GARIN2: variants seen among roughly 807,000 people sequenced by gnomAD.
GARIN2 encodes the protein Golgi-associated RAB2 interactor protein 2.
chr14:67,225,658 T>G, the GARIN2 span, among the ~76,000 whole-genome samples: 1 of 152,214 alleles, frequency 6.6e-6, no homozygotes, highest in Non-Finnish European at 1.5e-5. Context: ...GTAGAGTGCC[T>G]GCAGGGCTGT....
At chr14:67,195,051 G>T in the GARIN2 span, among the ~76,000 whole-genome samples, 1 of 152,186 alleles carries the variant, frequency 6.6e-6, no homozygotes, top group Non-Finnish European at 1.5e-5. Context: ...GGGGTGAGGG[G>T]TGTAGTGCAC....
At chr14:67,220,442 A>AG in the GARIN2 span, among the ~76,000 whole-genome samples, 1 of 151,088 alleles carries the variant, frequency 6.6e-6, no homozygotes. Flanking sequence ...ACCTTTTCTC[A>AG]GGAAAAAAAA....
the GARIN2 span, among the ~76,000 whole-genome samples, chr14:67,190,210 C>T: frequency 6.8e-6 from 1 of 146,034 alleles, no homozygotes; most frequent in Admixed American, 6.9e-5. Context: ...CCACTGTGCC[C>T]AGCCTTTTGT....
chr14:67,192,205 G>GA, the GARIN2 span, among the ~76,000 whole-genome samples: 1 of 152,160 alleles, frequency 6.6e-6, no homozygotes, highest in African/African-American at 2.4e-5. Flanking sequence ...AACATTGTTG[G>GA]AAAAATATAA....
At chr14:67,201,289 G>T in the GARIN2 span, 1 of 349,090 alleles carries the variant, frequency 2.9e-6, no homozygotes, top group Non-Finnish European at 5.6e-6. Context: ...ACAAGACTTT[G>T]TCTCTAAAAA....
chr14:67,220,751 T>C, the GARIN2 span, among the ~76,000 whole-genome samples: 86 of 152,332 alleles, frequency 5.6e-4, 1 homozygote, highest in Non-Finnish European at 1.0e-3. Context: ...TGCTTCTCAG[T>C]CTCGCTTAAC....
chr14:67,224,069 G>A, the GARIN2 span: 6 of 869,788 alleles, frequency 6.9e-6, no homozygotes, highest in Non-Finnish European at 8.3e-6. Flanking sequence ...GCTAGTTAGG[G>A]ACCATGATCT....
chr14:67,200,255 C>G, the GARIN2 span: 935 of 870,030 alleles, frequency 1.1e-3, 21 homozygotes, highest in East Asian at 7.8e-3. Flanking sequence ...ACCAGCCTCT[C>G]CCTCCAACCA....
chr14:67,214,249 G>C, the GARIN2 span, among the ~76,000 whole-genome samples: 1 of 152,178 alleles, frequency 6.6e-6, no homozygotes, highest in African/African-American at 2.4e-5. Context: ...CCATGCCTAT[G>C]TCCTGAATGG....
chr14:67,210,165 G>A, the GARIN2 span, among the ~76,000 whole-genome samples: 1,126 of 152,278 alleles, frequency 7.4e-3, 13 homozygotes, highest in African/African-American at 0.026. Context: ...TGAATGTAGC[G>A]TTTCATATGG....
At chr14:67,200,124 G>A in the GARIN2 span, 1 of 1,071,204 alleles carries the variant, frequency 9.3e-7, no homozygotes, top group Non-Finnish European at 1.4e-6. Context: ...CCCCCCGAAG[G>A]CCTCCATTCT....
At chr14:67,207,036 C>T in the GARIN2 span, among the ~76,000 whole-genome samples, 28,692 of 151,944 alleles carry the variant, frequency 0.19, 4,296 homozygotes, top group East Asian at 0.42. Flanking sequence ...TTTCCAAATA[C>T]GCTATAATAA....
the GARIN2 span, among the ~76,000 whole-genome samples, chr14:67,223,024 G>A: frequency 7.2e-6 from 1 of 139,116 alleles, no homozygotes; most frequent in African/African-American, 2.8e-5. Flanking sequence ...TTTTGAGATG[G>A]GGTCTCCCTC....
chr14:67,214,981 G>A, the GARIN2 span, among the ~76,000 whole-genome samples: 307 of 152,224 alleles, frequency 2.0e-3, no homozygotes, highest in African/African-American at 6.9e-3. Flanking sequence ...TGTTATTGGT[G>A]TATAAGAATG....
chr14:67,201,956 C>A, the GARIN2 span, among the ~76,000 whole-genome samples: 1 of 152,120 alleles, frequency 6.6e-6, no homozygotes, highest in Non-Finnish European at 1.5e-5. Flanking sequence ...TTTATACATG[C>A]TGTTCCTCTG....
chr14:67,190,149 A>C, the GARIN2 span, among the ~76,000 whole-genome samples: 1 of 147,378 alleles, frequency 6.8e-6, no homozygotes, highest in African/African-American at 2.5e-5. Context: ...TCCTGACCTC[A>C]GGTGATCTAC....
the GARIN2 span, chr14:67,200,262 A>C: frequency 1.3e-6 from 1 of 790,138 alleles, no homozygotes; most frequent in Non-Finnish European, 2.0e-6. Flanking sequence ...TCTCCCTCCA[A>C]CCAGGCCCAC....
chr14:67,193,501 A>T, the GARIN2 span, among the ~76,000 whole-genome samples: 119 of 131,440 alleles, frequency 9.1e-4, 1 homozygote, highest in South Asian at 3.5e-3. Context: ...ATATATCTAG[A>T]TATCCATATA....
chr14:67,206,718 G>T, the GARIN2 span, among the ~76,000 whole-genome samples: 3 of 151,818 alleles, frequency 2.0e-5, no homozygotes, highest in Admixed American at 2.0e-4. Context: ...CATCAAACAA[G>T]CAATAATTTA....
Sources: allele counts gnomAD v4.1 joint callset (sites outside exome capture counted in the v4.1 genomes callset), GRCh38; gene constraint gnomAD v4.1.1; transcripts MANE v1.5; gene names NCBI Gene and HGNC (gene_info 2026-07-23, HGNC 2026-07-21).